The following DCAF6 variants were observed in gnomAD, a reference collection of about 807,000 sequenced individuals.
DCAF6 encodes the protein DDB1- and CUL4-associated factor 6.
In DCAF6, 54 loss-of-function variants were observed where a neutral mutation model predicts 125.1. The observed-to-expected ratio is 0.43, with a 90% CI of 0.35 to 0.54. The LOEUF (loss-of-function observed/expected upper bound fraction) is 0.54. Ranked by LOEUF, DCAF6 falls within the 20% of genes least tolerant of loss-of-function variation. The pLI is 0.01. For synonymous variants in DCAF6, 371 were observed against 390.4 expected, an observed-to-expected ratio of 0.95 and a Z score of 0.58; for missense variants, 934 against 1,161.7, an observed-to-expected ratio of 0.80 and a Z score of 2.85.
chr1:168,043,069 A>G lies in DCAF6; in HGVS notation c.1772A>G (p.Lys591Arg), dbSNP rs201641031. The change falls in exon 14 of 22, where the codon AAA becomes AGA. Residue 591 changes from lysine (K) to arginine (R), a missense_variant. Physicochemically the swap from Lys to Arg is conservative, Grantham distance 26. Transcript: ENST00000367840. ...TCTAGAGGAATTGGGAGCCATTGCA[A>G]ATCTGAGGGTCAGGAGGAATCTTTC... ...SSSRGIGSHC[K>R]SEGQEESFVP... 2 of 1,613,016 alleles carry G rather than the reference A, an allele frequency of 1.2e-6. No homozygotes were observed. The highest frequency in any genetic ancestry group is 1.7e-6 in the Non-Finnish European group (2 of 1,179,366).
At chr1:167,917,673 A>G in the DCAF6 span, 1 of 152,060 alleles carries the variant, frequency 6.6e-6, no homozygotes, top group African/African-American at 2.4e-5. Flanking sequence ...GTCTGAATAT[A>G]GAGTATTTTC....
the DCAF6 span, chr1:167,883,558 A>G: frequency 1.2e-6 from 2 of 1,614,250 alleles, no homozygotes; most frequent in East Asian, 2.2e-5. Context: ...GTCTTCAAAC[A>G]TCAGGTTCAC....
chr1:167,958,501 A>G (rs1285205701), intron 2 of DCAF6, among the ~76,000 whole-genome samples: 3 of 152,002 alleles, frequency 2.0e-5, no homozygotes, highest in Admixed American at 2.0e-4. Context: ...ATTGATCTGT[A>G]TGTGTTTGTT....
At chr1:168,064,748 C>T (rs1054745600) in intron 18 of DCAF6, among the ~76,000 whole-genome samples, 3 of 152,136 alleles carry the variant, frequency 2.0e-5, no homozygotes, top group Non-Finnish European at 4.4e-5. Context: ...TGTCTCCCCT[C>T]TTTTGTGAGA....
intron 2 of DCAF6, among the ~76,000 whole-genome samples, chr1:167,962,303 A>G (rs1675731188): frequency 6.6e-6 from 1 of 151,986 alleles, no homozygotes; most frequent in Non-Finnish European, 1.5e-5. Flanking sequence ...GTCTCCAGGT[A>G]TCATACTAGA....
chr1:168,044,352 T>A (rs1399173063), intron 14 of DCAF6, among the ~76,000 whole-genome samples: 3 of 152,128 alleles, frequency 2.0e-5, no homozygotes, highest in Non-Finnish European at 4.4e-5. Flanking sequence ...GAACATAGAT[T>A]TAAAAACAAT....
At chr1:167,875,311 C>A in the DCAF6 span, 1 of 974,060 alleles carries the variant, frequency 1.0e-6, no homozygotes, top group Non-Finnish European at 1.6e-6. Flanking sequence ...TATCCCCTGA[C>A]TCACGGGTCG....
intron 13 of DCAF6, among the ~76,000 whole-genome samples, chr1:168,039,514 G>A (rs1002867991): frequency 1.1e-4 from 17 of 150,280 alleles, no homozygotes; most frequent in African/African-American, 3.6e-4. Flanking sequence ...CCATTTGAAT[G>A]AGAGAGCATA....
At chr1:168,030,636 C>G (rs1013172689) in intron 12 of DCAF6, among the ~76,000 whole-genome samples, 34 of 152,086 alleles carry the variant, frequency 2.2e-4, no homozygotes, top group African/African-American at 8.0e-4. Context: ...ATAAACAGGA[C>G]TTGGTGGTAG....
chr1:168,066,709 AGTTT>A (rs1692387233), intron 20 of DCAF6, among the ~76,000 whole-genome samples: 3 of 152,186 alleles, frequency 2.0e-5, no homozygotes, highest in African/African-American at 7.2e-5. Flanking sequence ...GGTGTATAGT[AGTTT>A]AAGAAAAACA....
rs545829725 is a variant in DCAF6, at chr1:168,028,014, A to G, written c.1609+4967A>G. 4.6e-5 allele frequency among the ~76,000 whole-genome samples: 7 copies of G among 152,240 alleles called. No homozygotes were observed. In the South Asian group the frequency reaches 1.4e-3, roughly 32 times the overall value. On this transcript the variant is annotated intron_variant, in intron 12 of 21. Transcript: ENST00000367840. The stretch of plus-strand genomic sequence containing the variant: ...AATTTTCAGTGTTCTCCAAATTTGG[A>G]GTTGTGTGTAAACACATTGATGGCC...
At chr1:168,006,215 A>G (rs1386583016) in intron 10 of DCAF6, among the ~76,000 whole-genome samples, 1 of 152,154 alleles carries the variant, frequency 6.6e-6, no homozygotes, top group Non-Finnish European at 1.5e-5. Flanking sequence ...CTGCATTTCA[A>G]ATTGCTAAAT....
the DCAF6 span, chr1:167,924,506 A>G: frequency 6.3e-7 from 1 of 1,590,594 alleles, no homozygotes; most frequent in Non-Finnish European, 8.5e-7. Flanking sequence ...CCCATTTCAT[A>G]ATTGGAGCCC....
chr1:167,940,664 A>C (rs772143033), intron 1 of DCAF6, among the ~76,000 whole-genome samples: 1 of 152,172 alleles, frequency 6.6e-6, no homozygotes, highest in Admixed American at 6.5e-5. Context: ...TATCCCATAT[A>C]TATACGGTTT....
the DCAF6 span, among the ~76,000 whole-genome samples, chr1:167,865,363 A>G: frequency 2.0e-5 from 3 of 152,224 alleles, no homozygotes; most frequent in Non-Finnish European, 4.4e-5. Flanking sequence ...TGAACTGGAC[A>G]TTAAAGTAAA....
chr1:168,014,565 A>T (rs950295449), intron 10 of DCAF6, among the ~76,000 whole-genome samples: 1 of 151,980 alleles, frequency 6.6e-6, no homozygotes, highest in African/African-American at 2.4e-5. Context: ...TAATTTCTCC[A>T]CTTGGATGTC....
chr1:167,981,403 G>C (rs544913462), intron 4 of DCAF6, among the ~76,000 whole-genome samples: 8 of 152,150 alleles, frequency 5.3e-5, no homozygotes, highest in African/African-American at 1.7e-4. Flanking sequence ...TAGATTCGAG[G>C]GGTACATGTG....
rs1691899831 is a variant in DCAF6, at chr1:168,063,660, G to A, written c.2340G>A (p.Arg780=). ...CCCGTATTCAGGAGTTCTTCAGACG[G>A]AGAAAAGAAAGGAAAGAAATGGAAG... The part of the protein sequence containing the change: ...AVARIQEFFR[R]RKERKEMEEL... The change falls in exon 18 of 22, where the codon CGG becomes CGA. Residue 780 remains arginine (R), a synonymous_variant. Transcript: ENST00000367840. 3.7e-6 allele frequency: 6 copies of A among 1,603,280 alleles called. No homozygotes were observed. The highest frequency in any genetic ancestry group is 3.4e-6 in the Non-Finnish European group (4 of 1,175,690).
At chr1:168,060,080 T>C (rs1051434879) in intron 17 of DCAF6, among the ~76,000 whole-genome samples, 3 of 152,256 alleles carry the variant, frequency 2.0e-5, no homozygotes, top group Admixed American at 6.5e-5. Context: ...AGGCTAATTG[T>C]CCCCTGCTGA....
Sources: gnomAD v4.1 joint callset for allele counts (sites outside exome capture counted in the v4.1 genomes callset) on GRCh38, gnomAD v4.1.1 for gene constraint, MANE v1.5 for transcripts, NCBI Gene and HGNC (gene_info 2026-07-23, HGNC 2026-07-21) for gene names.